The following APP variants were observed in gnomAD, a reference collection of about 807,000 sequenced individuals.
The protein encoded by APP is amyloid beta precursor protein, also known as amyloid-beta precursor protein.
Under a neutral mutation model 101.4 loss-of-function variants are expected in APP, and 31 were observed. That is an observed-to-expected ratio of 0.31 (90% CI 0.23 to 0.41). The LOEUF (loss-of-function observed/expected upper bound fraction) is 0.41. Among genes scored for constraint, APP ranks in the 10% least tolerant of loss-of-function variants. APP has a pLI of 1.00. For missense variants in APP, 839 were observed against 1,003.7 expected, an observed-to-expected ratio of 0.84 and a Z score of 2.22; for synonymous variants, 366 against 364.4, an observed-to-expected ratio of 1.00 and a Z score of -0.05.
At chr21:25,902,506 G>C (rs1185972907) in intron 15 of APP, among the ~76,000 whole-genome samples, 1 of 146,368 alleles carries the variant, frequency 6.8e-6, no homozygotes, top group Non-Finnish European at 1.5e-5. Flanking sequence ...TCATATCTGA[G>C]CATTCTTTCT....
intron 13 of APP, among the ~76,000 whole-genome samples, chr21:25,935,840 A>C (rs1194822982): frequency 2.6e-4 from 2 of 7,760 alleles, no homozygotes; most frequent in African/African-American, 4.5e-4. Context: ...ACTCTGTCTC[A>C]AAAAAAAAAA....
intron 1 of APP, among the ~76,000 whole-genome samples, chr21:26,149,330 C>CTT (rs2063215649): frequency 6.6e-6 from 1 of 152,182 alleles, no homozygotes; most frequent in African/African-American, 2.4e-5. Context: ...CAGTAGGTAC[C>CTT]TCACAGGCTG....
At chr21:26,165,186 G>T (rs1163226407) in intron 1 of APP, among the ~76,000 whole-genome samples, 1 of 152,158 alleles carries the variant, frequency 6.6e-6, no homozygotes, top group Non-Finnish European at 1.5e-5. Context: ...GTCAATAAGT[G>T]AAACATCATC....
chr21:25,918,793 G>A (rs983815151), intron 13 of APP, among the ~76,000 whole-genome samples: 35 of 150,578 alleles, frequency 2.3e-4, no homozygotes, highest in African/African-American at 6.3e-4. Flanking sequence ...AGGCGGCAGC[G>A]AGGCTGGGGG....
chr21:26,019,640 C>T (rs1461314499), intron 6 of APP, among the ~76,000 whole-genome samples: 3 of 127,788 alleles, frequency 2.3e-5, no homozygotes, highest in Non-Finnish European at 3.3e-5. Context: ...CAAGCAGGTG[C>T]TCAAAATCTA....
intron 6 of APP, among the ~76,000 whole-genome samples, chr21:26,019,664 AAT>A (rs1568865046): frequency 2.6e-3 from 2 of 766 alleles, no homozygotes; most frequent in East Asian, 0.05. Context: ...TTTCAAGTAA[AAT>A]GGGACACTAA....
rs180837465 is a variant in APP, at chr21:25,913,971, A to G, written c.1688-2009T>C. ...ACTTCTCCCTCCCACTCAAATTTGTATATTTCCAACAGTTTGCTGGAGATA... is the reference window on the plus strand; with the variant it reads ...ACTTCTCCCTCCCACTCAAATTTGTGTATTTCCAACAGTTTGCTGGAGATA... On this transcript the variant is annotated intron_variant, in intron 13 of 17. Transcript: ENST00000346798. Among the ~76,000 whole-genome samples, 227 of 152,172 alleles carry G rather than the reference A, an allele frequency of 1.5e-3. 1 individual carries two copies. Among genetic ancestry groups the G allele is most frequent in the Non-Finnish European group, 1.6e-3 (111 of 68,006 alleles).
intron 3 of APP, among the ~76,000 whole-genome samples, chr21:26,069,278 A>G (rs940579186): frequency 2.0e-5 from 3 of 152,098 alleles, no homozygotes. Context: ...CAAACTCTCC[A>G]TACTCCCAAA....
chr21:25,909,330 T>C (rs1206855535), intron 14 of APP, among the ~76,000 whole-genome samples: 1 of 150,634 alleles, frequency 6.6e-6, no homozygotes, highest in Non-Finnish European at 1.5e-5. Context: ...ATAATCAATA[T>C]ATATATGTCA....
intron 5 of APP, among the ~76,000 whole-genome samples, chr21:26,026,941 G>A (rs1361601421): frequency 6.6e-6 from 1 of 152,234 alleles, no homozygotes; most frequent in Non-Finnish European, 1.5e-5. Flanking sequence ...GCAAGTGTAT[G>A]AACAGGGAGT....
intron 11 of APP, among the ~76,000 whole-genome samples, chr21:25,973,904 C>T (rs892962214): frequency 6.1e-5 from 9 of 147,368 alleles, no homozygotes; most frequent in African/African-American, 2.1e-4. Flanking sequence ...TGCACCACTG[C>T]ACTCCAGCCT....
At position 25,920,262 on chromosome 21, in the gene APP, G is replaced by A. The variant is rs959373255; in HGVS notation, c.1688-8300C>T. ...TGCAAAGGAACAACCGGTACCAGCC[G>A]CTGCAAAATCATGCCAAAATGTAAA... On this transcript the variant is annotated intron_variant, in intron 13 of 17. Transcript: ENST00000346798. 4.1e-4 allele frequency among the ~76,000 whole-genome samples: 62 copies of A among 152,146 alleles called. 1 individual carries two copies. Among genetic ancestry groups the A allele is most frequent in the African/African-American group, 1.2e-3 (50 of 41,496 alleles).
rs955517095 is a variant in APP at position 26,170,574 on chromosome 21, C to T, written c.47G>A (p.Arg16Gln). ...ALLLLAAWTA[R>Q]ALEVPTDGNA... ...AGGCGCGGCACCCACCTCCAGCGCC[C>T]GAGCCGTCCAGGCGGCCAGCAGGAG... The change falls in exon 1 of 18, where the codon CGG (arginine) becomes CAG (glutamine). Residue 16 changes from arginine to glutamine, a missense_variant. By Grantham distance (43) the Arg-to-Gln change is conservative (BLOSUM62 1). Coordinates refer to ENST00000346798, the MANE Select transcript of APP (RefSeq NM_000484.4). 7.2e-5 allele frequency: 111 copies of T among 1,538,520 alleles called. No individual in the cohort carries two copies. The highest frequency in any genetic ancestry group is 9.1e-5 in the Non-Finnish European group (104 of 1,146,408).
At chr21:26,111,866 C>T (rs896557520) in intron 2 of APP, 113 bp downstream of exon 2, 3 of 1,113,166 alleles carry the variant, frequency 2.7e-6, no homozygotes, top group Non-Finnish European at 2.7e-6. Context: ...TCATTAGGAA[C>T]CAAGATTTTT....
chr21:25,927,379 C>T (rs977480457), intron 13 of APP, among the ~76,000 whole-genome samples: 1 of 152,146 alleles, frequency 6.6e-6, no homozygotes, highest in Non-Finnish European at 1.5e-5. Context: ...TGTAGTGTAG[C>T]GACCTAGGCA....
intron 1 of APP, among the ~76,000 whole-genome samples, chr21:26,127,485 A>G (rs2062708641): frequency 6.6e-6 from 1 of 152,238 alleles, no homozygotes; most frequent in Admixed American, 6.5e-5. Context: ...ATAACTAAAA[A>G]AATTATTGCT....
intron 2 of APP, among the ~76,000 whole-genome samples, chr21:26,108,991 G>T (rs2062248981): frequency 6.6e-6 from 1 of 152,182 alleles, no homozygotes; most frequent in Non-Finnish European, 1.5e-5. Context: ...GGCTCACAAG[G>T]TATGATGTTT....
intron 9 of APP, among the ~76,000 whole-genome samples, chr21:25,979,977 T>C (rs548221775): frequency 6.0e-4 from 91 of 152,264 alleles, no homozygotes; most frequent in Admixed American, 2.4e-3. Context: ...GTAAGAGCAA[T>C]GACTGCCTGT....
chr21:26,146,968 CT>C (rs1306548947), intron 1 of APP, among the ~76,000 whole-genome samples: 1 of 152,200 alleles, frequency 6.6e-6, no homozygotes, highest in African/African-American at 2.4e-5. Context: ...TTTCCCCTTT[CT>C]GATGTAAAAA....
Sources: gnomAD v4.1 joint callset for allele counts (sites outside exome capture counted in the v4.1 genomes callset) on GRCh38, gnomAD v4.1.1 for gene constraint, MANE v1.5 for transcripts, NCBI Gene and HGNC (gene_info 2026-07-23, HGNC 2026-07-21) for gene names.